HMBOX1: variants seen among roughly 807,000 people sequenced by gnomAD.
HMBOX1 encodes homeobox-containing protein 1.
Under a neutral mutation model 54.5 loss-of-function variants are expected in HMBOX1, and 14 were observed. The ratio of observed to expected loss-of-function variants is 0.26; its 90% CI spans 0.17 to 0.40. The LOEUF (loss-of-function observed/expected upper bound fraction) is 0.40, where lower values mean the gene tolerates loss of function less well. Among genes scored for constraint, HMBOX1 ranks in the 10% least tolerant of loss-of-function variants. The probability of loss-of-function intolerance (pLI) is 1.00; values close to 1 mark genes in which losing one functional copy is unlikely to be tolerated. For synonymous variants in HMBOX1, 160 were observed against 181.0 expected, an observed-to-expected ratio of 0.88 and a Z score of 0.93; for missense variants, 332 against 514.4, an observed-to-expected ratio of 0.65 and a Z score of 3.43.
intron 4 of HMBOX1, among the ~76,000 whole-genome samples, chr8:29,000,590 CT>C (rs1347156501): frequency 6.6e-6 from 1 of 152,256 alleles, no homozygotes; most frequent in Non-Finnish European, 1.5e-5. Flanking sequence ...TCACATCTGT[CT>C]TTCCTCCTCA....
At chr8:29,038,708 A>G (rs1238184843) in intron 6 of HMBOX1, among the ~76,000 whole-genome samples, 2 of 152,192 alleles carry the variant, frequency 1.3e-5, no homozygotes, top group Non-Finnish European at 1.5e-5. Context: ...GCCTCAGCCT[A>G]TTTGAGGCCT....
intron 6 of HMBOX1, among the ~76,000 whole-genome samples, chr8:29,026,576 TCA>T (rs914402509): frequency 6.6e-6 from 1 of 152,212 alleles, no homozygotes; most frequent in South Asian, 2.1e-4. Context: ...GTTAGAAGCT[TCA>T]CATATACTTA....
intron 4 of HMBOX1, among the ~76,000 whole-genome samples, chr8:28,986,478 T>A (rs1830177832): frequency 6.6e-6 from 1 of 152,234 alleles, no homozygotes; most frequent in Non-Finnish European, 1.5e-5. Context: ...CTTGCTTATT[T>A]AACAAGATTT....
chr8:28,892,613 A>G (rs1000886172), intron 1 of HMBOX1, among the ~76,000 whole-genome samples: 10 of 152,120 alleles, frequency 6.6e-5, no homozygotes, highest in African/African-American at 2.4e-4. Context: ...AACCACATTG[A>G]TAGAGTGTGT....
chr8:28,932,041 T>G (rs1819562215), intron 1 of HMBOX1, among the ~76,000 whole-genome samples: 1 of 152,208 alleles, frequency 6.6e-6, no homozygotes, highest in Non-Finnish European at 1.5e-5. Flanking sequence ...TGATAGTATT[T>G]TAAACTTAGG....
intron 3 of HMBOX1, among the ~76,000 whole-genome samples, chr8:28,972,896 A>G (rs910007047): frequency 2.6e-5 from 4 of 152,252 alleles, no homozygotes; most frequent in African/African-American, 9.6e-5. Flanking sequence ...TTTCACTGTG[A>G]AATATATACA....
In HMBOX1 at chr8:28,970,423, C is replaced by G. The variant is rs1201392129; in HGVS notation, c.404C>G (p.Thr135Ser). 2 of 1,614,038 alleles carry G rather than the reference C, an allele frequency of 1.2e-6. No individual in the cohort carries two copies. Among genetic ancestry groups the G allele is most frequent in the East Asian group, 2.2e-5 (1 of 44,896 alleles). The change falls in exon 3 of 10, where the codon ACT becomes AGT. Residue 135 changes from threonine (T) to serine (S), a missense_variant. Physicochemically the swap from Thr to Ser is moderately conservative, Grantham distance 58 (BLOSUM62 1). Transcript: ENST00000287701. The surrounding 1 kb of genome is among the most constrained non-coding windows in gnomAD (Gnocchi z 4.3). ...LSTSNGKMSPTRYHANSMGQR... is the reference protein window; with the variant it reads ...LSTSNGKMSPSRYHANSMGQR... The stretch of plus-strand genomic sequence containing the variant: ...ACATCCAATGGAAAGATGTCACCAA[C>G]TCGCTACCATGCAAACAGCATGGGT...
At chr8:28,959,769 A>T (rs1825135736) in intron 1 of HMBOX1, among the ~76,000 whole-genome samples, 1 of 152,068 alleles carries the variant, frequency 6.6e-6, no homozygotes, top group Admixed American at 6.5e-5. Flanking sequence ...TCTGCTGAGA[A>T]CTCAGCTGAT....
chr8:29,025,436 A>C (rs183003132), intron 6 of HMBOX1, among the ~76,000 whole-genome samples: 3 of 152,336 alleles, frequency 2.0e-5, no homozygotes, highest in Admixed American at 6.5e-5. Context: ...CTTTATGTTA[A>C]TCTGTGGGAA....
At chr8:28,924,409 T>C (rs1818080494) in intron 1 of HMBOX1, among the ~76,000 whole-genome samples, 1 of 150,806 alleles carries the variant, frequency 6.6e-6, no homozygotes, top group Admixed American at 6.6e-5. Context: ...TGCCCGGCCC[T>C]GCACATAAGT....
Position 29,045,452 on chromosome 8 carries a change from G to A in HMBOX1, c.934+9G>A, listed in dbSNP as rs376751604. Reference sequence around the variant, plus strand: ...AGTTATACAGAAGCCAGGTAAGGTCGCAGGCACAGCCTTGCTCTGCGGTGC... The same window carrying A: ...AGTTATACAGAAGCCAGGTAAGGTCACAGGCACAGCCTTGCTCTGCGGTGC... On this transcript the variant is annotated intron_variant, in intron 7 of 9. Coordinates refer to ENST00000287701, the MANE Select transcript of HMBOX1 (RefSeq NM_001135726.3). 3.7e-5 allele frequency: 60 copies of A among 1,610,084 alleles called. No individual in the cohort carries two copies. The highest frequency in any genetic ancestry group is 4.6e-5 in the Non-Finnish European group (54 of 1,176,628).
chr8:28,969,462 T>C (rs1827017222), intron 2 of HMBOX1, among the ~76,000 whole-genome samples: 1 of 152,046 alleles, frequency 6.6e-6, no homozygotes. Context: ...AAATGGTGCT[T>C]ATTTTTTTTT....
chr8:28,914,706 G>A (rs1816185289), intron 1 of HMBOX1, among the ~76,000 whole-genome samples: 1 of 152,172 alleles, frequency 6.6e-6, no homozygotes, highest in East Asian at 1.9e-4. Flanking sequence ...AAATAAATAT[G>A]TGGTTTTCAT....
At chr8:28,939,891 G>A (rs1000702615) in intron 1 of HMBOX1, among the ~76,000 whole-genome samples, 1 of 152,100 alleles carries the variant, frequency 6.6e-6, no homozygotes, top group African/African-American at 2.4e-5. Context: ...CAAACAGGCT[G>A]CTTTTTAAAA....
At chr8:28,925,336 C>G (rs528671240) in intron 1 of HMBOX1, among the ~76,000 whole-genome samples, 1 of 152,258 alleles carries the variant, frequency 6.6e-6, no homozygotes, top group East Asian at 1.9e-4. Context: ...TGCATCTGAT[C>G]AGCCTGGTTG....
chr8:28,932,540 G>A (rs1819645562), intron 1 of HMBOX1, among the ~76,000 whole-genome samples: 1 of 152,068 alleles, frequency 6.6e-6, no homozygotes, highest in Admixed American at 6.5e-5. Context: ...AAAAAGTAGG[G>A]TTAGCAGTAT....
At chr8:28,984,837 G>A (rs1042499959) in intron 4 of HMBOX1, among the ~76,000 whole-genome samples, 2 of 152,010 alleles carry the variant, frequency 1.3e-5, no homozygotes, top group African/African-American at 4.8e-5. Flanking sequence ...ATGAGTAAAT[G>A]GGCAGAGCTT....
chr8:29,040,484 T>A (rs1335090040), intron 6 of HMBOX1, among the ~76,000 whole-genome samples: 4 of 152,222 alleles, frequency 2.6e-5, no homozygotes, highest in Non-Finnish European at 4.4e-5. Context: ...TAAATGTCAT[T>A]TTATCAGTTT....
chr8:29,013,773 G>A (rs987391183), intron 5 of HMBOX1, among the ~76,000 whole-genome samples: 1 of 152,192 alleles, frequency 6.6e-6, no homozygotes, highest in Non-Finnish European at 1.5e-5. Context: ...GACATCAAAA[G>A]TCCCTTTATT....
Sources: gnomAD v4.1 joint callset for allele counts (sites outside exome capture counted in the v4.1 genomes callset) on GRCh38, gnomAD v4.1.1 for gene constraint, Gnocchi (gnomAD v3.1) non-coding constraint, MANE v1.5 for transcripts, NCBI Gene and HGNC (gene_info 2026-07-23, HGNC 2026-07-21) for gene names.